Variants in TACR3 observed in about 807,000 individuals in gnomAD.
TACR3 encodes tachykinin receptor 3, also known as neuromedin-K receptor.
TACR3 carries 34 observed loss-of-function variants against 35.0 expected under a neutral mutation model. The ratio of observed to expected loss-of-function variants is 0.97; its 90% CI spans 0.74 to 1.30. TACR3 has a LOEUF of 1.30. TACR3 is among the 50% of genes most tolerant of loss of function. The pLI is 0.00. For synonymous variants in TACR3, 233 were observed against 221.1 expected, an observed-to-expected ratio of 1.05 and a Z score of -0.48; for missense variants, 558 against 591.7, an observed-to-expected ratio of 0.94 and a Z score of 0.59.
chr4:103,708,475 G>C (rs1442325799), intron 1 of TACR3, among the ~76,000 whole-genome samples: 1 of 152,112 alleles, frequency 6.6e-6, no homozygotes, highest in African/African-American at 2.4e-5. Context: ...CTAACAAATA[G>C]AAAGGACATC....
chr4:103,677,828 A>C lies in TACR3; in HGVS notation c.549-19425T>G, dbSNP rs141767030. Among the ~76,000 whole-genome samples, 1,295 of 152,226 alleles carry C rather than the reference A, an allele frequency of 8.5e-3. 20 individuals are homozygous for C. The highest frequency in any genetic ancestry group is 0.03 in the African/African-American group (1,238 of 41,542). On this transcript the variant is annotated intron_variant, in intron 1 of 4. Transcript: ENST00000304883. ...CATGGTACAAGTTTACCTATGTAAC[A>C]AACCTGTACATCCTGCACATGTACC...
intron 1 of TACR3, among the ~76,000 whole-genome samples, chr4:103,684,085 T>C (rs11940141): frequency 0.051 from 7,829 of 152,096 alleles, 701 homozygotes; most frequent in African/African-American, 0.18. Flanking sequence ...CTAAATCTGA[T>C]ACAGAGAAAT....
At chr4:103,652,873 A>G (rs1382572010) in intron 3 of TACR3, among the ~76,000 whole-genome samples, 1 of 152,136 alleles carries the variant, frequency 6.6e-6, no homozygotes, top group Non-Finnish European at 1.5e-5. Context: ...TAATGATATG[A>G]AAAAATCCAA....
chr4:103,597,224 TA>T (rs1724051272), intron 3 of TACR3, among the ~76,000 whole-genome samples: 1 of 149,642 alleles, frequency 6.7e-6, no homozygotes, highest in Admixed American at 6.7e-5. Flanking sequence ...ACCAACAGTG[TA>T]AAAGTGTTCC....
intron 1 of TACR3, among the ~76,000 whole-genome samples, chr4:103,665,936 A>G (rs1278378632): frequency 1.3e-5 from 2 of 152,176 alleles, no homozygotes; most frequent in African/African-American, 4.8e-5. Flanking sequence ...AGGAGAATAC[A>G]CTGCCATTCT....
intron 1 of TACR3, among the ~76,000 whole-genome samples, chr4:103,717,615 G>C (rs1339350689): frequency 1.3e-5 from 2 of 151,956 alleles, no homozygotes; most frequent in African/African-American, 4.8e-5. Flanking sequence ...CTTTCAAGAA[G>C]ACTGTAAGAA....
At chr4:103,664,117 T>A (rs1725888646) in intron 1 of TACR3, among the ~76,000 whole-genome samples, 1 of 152,208 alleles carries the variant, frequency 6.6e-6, no homozygotes, top group Non-Finnish European at 1.5e-5. Context: ...CTTTTTATTA[T>A]CCTTTATAGA....
intron 1 of TACR3, among the ~76,000 whole-genome samples, chr4:103,696,651 G>A (rs939188428): frequency 6.6e-6 from 1 of 151,962 alleles, no homozygotes; most frequent in Non-Finnish European, 1.5e-5. Flanking sequence ...TTTTGCTGAT[G>A]CCACTTTCCT....
In TACR3 at chr4:103,646,058, C is replaced by G. The variant is rs569759519; in HGVS notation, c.888+10136G>C. On this transcript the variant is annotated intron_variant, in intron 3 of 4. Transcript: ENST00000304883. ...CAGTCATTTAATAGTCTGTCTGTAT[C>G]TACAGAATTACTTTCATGACCAAGA... is the stretch of plus-strand genomic sequence containing the variant. Among the ~76,000 whole-genome samples, 5 of 152,052 alleles carry G rather than the reference C, an allele frequency of 3.3e-5. No individual in the cohort carries two copies. The South Asian group carries it at 1.0e-3, about 32-fold the overall frequency.
chr4:103,704,126 A>G (rs1461169962), intron 1 of TACR3, among the ~76,000 whole-genome samples: 1 of 150,670 alleles, frequency 6.6e-6, no homozygotes, highest in African/African-American at 2.4e-5. Context: ...AAAAAAAAAA[A>G]AAAAAAAAGA....
intron 1 of TACR3, among the ~76,000 whole-genome samples, chr4:103,691,870 G>A (rs1722410931): frequency 6.6e-6 from 1 of 152,150 alleles, no homozygotes; most frequent in Non-Finnish European, 1.5e-5. Context: ...TTTCCCATAA[G>A]GGACAGTTTT....
chr4:103,647,703 T>G (rs1302699966), intron 3 of TACR3, among the ~76,000 whole-genome samples: 1 of 151,952 alleles, frequency 6.6e-6, no homozygotes, highest in East Asian at 1.9e-4. Context: ...TGGCTACATT[T>G]AAGAGGTTCA....
intron 1 of TACR3, among the ~76,000 whole-genome samples, chr4:103,672,516 G>T (rs1431682815): frequency 6.6e-6 from 1 of 152,058 alleles, no homozygotes; most frequent in Non-Finnish European, 1.5e-5. Flanking sequence ...GTGATATTTT[G>T]AAAGGAATCT....
rs71580414 is a variant in TACR3 at position 103,614,884 on chromosome 4, G to GTT, written c.889-23203_889-23202dup. Among the ~76,000 whole-genome samples the GTT allele has an allele frequency of 4.1e-3, 296 of 72,054 alleles. 71 individuals are homozygous for GTT. The highest frequency in any genetic ancestry group is 7.9e-3 in the African/African-American group (132 of 16,628). 47.3% of individuals were successfully genotyped at this position (72,054 alleles called of 152,430 possible). ...TATAACCTAAGTTGATTATGAATGT[G>GTT]TTTTTTTTTTTTTTTTTTTTTTTTT... On this transcript the variant is annotated intron_variant, in intron 3 of 4. Transcript: ENST00000304883.
At chr4:103,599,188 TC>T in intron 3 of TACR3, among the ~76,000 whole-genome samples, 1 of 152,334 alleles carries the variant, frequency 6.6e-6, no homozygotes, top group South Asian at 2.1e-4. Flanking sequence ...TAAGTTGGAT[TC>T]CTAGGTATTT....
chr4:103,677,102 T>A (rs1262702541), intron 1 of TACR3, among the ~76,000 whole-genome samples: 2 of 152,022 alleles, frequency 1.3e-5, no homozygotes, highest in Non-Finnish European at 2.9e-5. Context: ...AACAAACATA[T>A]GAGAAAAACT....
At position 103,622,112 on chromosome 4, in the gene TACR3, G is replaced by T. The variant is rs547241767; in HGVS notation, c.889-30429C>A. Reference sequence around the variant, plus strand: ...CTTCTCGAAGGGGGAGTGATCAAAGGGTGTCTGTTCCTTCAGTCTAGCCAA... The same window carrying T: ...CTTCTCGAAGGGGGAGTGATCAAAGTGTGTCTGTTCCTTCAGTCTAGCCAA... On this transcript the variant is annotated intron_variant, in intron 3 of 4. Transcript: ENST00000304883. Among the ~76,000 whole-genome samples, 348 of 152,248 alleles carry T rather than the reference G, an allele frequency of 2.3e-3. 2 individuals carry two copies. The highest frequency in any genetic ancestry group is 3.7e-3 in the Non-Finnish European group (251 of 68,014).
At chr4:103,669,836 A>AT (rs1048165468) in intron 1 of TACR3, among the ~76,000 whole-genome samples, 6 of 150,376 alleles carry the variant, frequency 4.0e-5, no homozygotes, top group African/African-American at 7.3e-5. Context: ...CCATTTATGG[A>AT]TTTTTTTTTC....
chr4:103,620,077 T>C (rs1458832526), intron 3 of TACR3, among the ~76,000 whole-genome samples: 2 of 150,802 alleles, frequency 1.3e-5, no homozygotes, highest in Non-Finnish European at 3.0e-5. Flanking sequence ...ATTTTAAAAA[T>C]GGGCAAAGAA....
Sources: gnomAD v4.1 joint callset for allele counts (sites outside exome capture counted in the v4.1 genomes callset) on GRCh38, gnomAD v4.1.1 for gene constraint, MANE v1.5 for transcripts, NCBI Gene and HGNC (gene_info 2026-07-23, HGNC 2026-07-21) for gene names.